The following TMEM178A variants were observed in gnomAD, a reference collection of about 807,000 sequenced individuals.
TMEM178A encodes transmembrane protein 178.
In TMEM178A, 12 loss-of-function variants were observed where a neutral mutation model predicts 29.1. That is an observed-to-expected ratio of 0.41 (90% CI 0.26 to 0.67). The LOEUF (loss-of-function observed/expected upper bound fraction) is 0.67. Ranked by LOEUF, TMEM178A falls within the 30% of genes least tolerant of loss-of-function variation. The pLI, the probability that TMEM178A is intolerant of heterozygous loss-of-function variation, is 0.29. For missense variants in TMEM178A, 366 were observed against 419.1 expected (o/e 0.87, Z 1.11); for synonymous variants, 210 against 187.2 (o/e 1.12, Z -0.99).
At chr2:39,699,742 T>A (rs1671701119) in intron 1 of TMEM178A, among the ~76,000 whole-genome samples, 1 of 152,164 alleles carries the variant, frequency 6.6e-6, no homozygotes, top group African/African-American at 2.4e-5. Flanking sequence ...AGGCATGAGC[T>A]ACTGTGCCAG....
At chr2:39,688,461 T>A (rs1173194458) in intron 1 of TMEM178A, among the ~76,000 whole-genome samples, 2 of 152,204 alleles carry the variant, frequency 1.3e-5, no homozygotes, top group Non-Finnish European at 2.9e-5. Flanking sequence ...GGCTTTGGGA[T>A]TTGGCTTCTT....
At chr2:39,682,611 A>G (rs1016668086) in intron 1 of TMEM178A, among the ~76,000 whole-genome samples, 2 of 152,132 alleles carry the variant, frequency 1.3e-5, no homozygotes, top group African/African-American at 4.8e-5. Flanking sequence ...TACTCCTGCT[A>G]GTGAAGACTT....
Position 39,666,242 on chromosome 2 carries a change from T to G in TMEM178A, c.268T>G (p.Trp90Gly). ...CCCGGGGCGCGCCGACCCCGAGTCC[T>G]GGCGCTCGCTCCTGGGGCTCGGCGG... is the stretch of plus-strand genomic sequence containing the variant. ...GGPGRADPES[W>G]RSLLGLGGLD... The change falls in exon 1 of 4, where the codon TGG (tryptophan) becomes GGG (glycine). Residue 90 changes from tryptophan to glycine, a missense_variant. By Grantham distance (184) the Trp-to-Gly change is radical. Transcript: ENST00000281961. The G allele has an allele frequency of 7.4e-7, 1 of 1,354,332 alleles. No individual in the cohort carries two copies. The highest frequency in any genetic ancestry group is 9.4e-7 in the Non-Finnish European group (1 of 1,059,960). 83.9% of individuals were successfully genotyped at this position (1,354,332 alleles called of 1,614,324 possible). A position where few individuals can be genotyped will look rare whatever the true frequency, so the allele number is the denominator to read the frequency against.
intron 1 of TMEM178A, among the ~76,000 whole-genome samples, chr2:39,687,835 A>G (rs2148075031): frequency 6.6e-6 from 1 of 152,370 alleles, no homozygotes; most frequent in African/African-American, 2.4e-5. Flanking sequence ...GCATGATCAG[A>G]TGTAGTCATA....
chr2:39,726,387 A>G, the TMEM178A span, among the ~76,000 whole-genome samples: 1 of 152,210 alleles, frequency 6.6e-6, no homozygotes, highest in Non-Finnish European at 1.5e-5. Context: ...CAAGCTTTGC[A>G]TGTGGCAGGG....
downstream of TMEM178A, among the ~76,000 whole-genome samples, chr2:39,722,012 AAAAAT>A (rs1459517197): frequency 9.6e-5 from 14 of 146,146 alleles, no homozygotes; most frequent in African/African-American, 3.8e-4. Flanking sequence ...AAAAAAAAAA[AAAAAT>A]CAGTGTTGCC....
At chr2:39,717,968 GGT>G (rs373283330), downstream of TMEM178A, 54 of 152,432 alleles carry the variant, frequency 3.5e-4, no homozygotes, top group African/African-American at 1.2e-3. Context: ...TGTTAATCTG[GGT>G]GTGTTTTCCT....
intron 3 of TMEM178A, among the ~76,000 whole-genome samples, chr2:39,710,755 A>G (rs1672266762): frequency 6.6e-6 from 1 of 152,240 alleles, no homozygotes; most frequent in East Asian, 1.9e-4. Flanking sequence ...CACTCAAGTC[A>G]GCATCCTTCC....
chr2:39,690,051 G>A (rs1671247032), intron 1 of TMEM178A, among the ~76,000 whole-genome samples: 2 of 152,150 alleles, frequency 1.3e-5, no homozygotes, highest in African/African-American at 4.8e-5. Context: ...CAAGATGCTC[G>A]CTTCTGCCTT....
downstream of TMEM178A, among the ~76,000 whole-genome samples, chr2:39,720,297 A>G (rs72936048): frequency 0.028 from 4,272 of 152,222 alleles, 194 homozygotes; most frequent in African/African-American, 0.096. Context: ...TGCCCCCACA[A>G]GTGAGCTAGA....
chr2:39,680,907 A>G (rs183021416), intron 1 of TMEM178A, among the ~76,000 whole-genome samples: 1 of 152,320 alleles, frequency 6.6e-6, no homozygotes, highest in Admixed American at 6.5e-5. Flanking sequence ...TTTGAATTTA[A>G]TAATTCTGTG....
At chr2:39,684,541 A>G (rs1247171251) in intron 1 of TMEM178A, among the ~76,000 whole-genome samples, 1 of 152,204 alleles carries the variant, frequency 6.6e-6, no homozygotes, top group East Asian at 1.9e-4. Flanking sequence ...AAGTATTTTA[A>G]TGTGTGGATG....
At chr2:39,689,551 G>A (rs1177804989) in intron 1 of TMEM178A, among the ~76,000 whole-genome samples, 1 of 152,204 alleles carries the variant, frequency 6.6e-6, no homozygotes, top group East Asian at 1.9e-4. Context: ...TAGAATGATG[G>A]TTGCTAGGAG....
the TMEM178A span, among the ~76,000 whole-genome samples, chr2:39,731,793 A>G: frequency 1.9e-3 from 290 of 152,282 alleles, 1 homozygote; most frequent in African/African-American, 6.8e-3. Context: ...CATCTTGGCG[A>G]GAAGTCCTTG....
chr2:39,686,869 G>A (rs1255756912), intron 1 of TMEM178A, among the ~76,000 whole-genome samples: 8 of 152,136 alleles, frequency 5.3e-5, no homozygotes, highest in Middle Eastern at 6.8e-3. Context: ...GGTTGGCTAC[G>A]TCATCATGCT....
intron 3 of TMEM178A, among the ~76,000 whole-genome samples, chr2:39,716,451 G>T (rs1025815950): frequency 2.6e-5 from 4 of 152,072 alleles, no homozygotes; most frequent in Admixed American, 6.5e-5. Context: ...ACATCATATG[G>T]TATATGTAAG....
Position 39,711,818 on chromosome 2 carries a change from G to T in TMEM178A, c.652+4632G>T, listed in dbSNP as rs148979049. 3.0e-3 allele frequency among the ~76,000 whole-genome samples: 457 copies of T among 152,218 alleles called. 2 individuals are homozygous for T. The highest frequency in any genetic ancestry group is 0.011 in the African/African-American group (444 of 41,544). On this transcript the variant is annotated intron_variant, in intron 3 of 3. Coordinates refer to ENST00000281961, the MANE Select transcript of TMEM178A (RefSeq NM_152390.3). ...TTTTATTTTAGAAGAGTAACACGGT[G>T]CATATATCCTGTGTTATTTAACACC...
At position 39,713,595 on chromosome 2, in the gene TMEM178A, T is replaced by TG. The variant is rs1672404369; in HGVS notation, c.653-3414dup. Among the ~76,000 whole-genome samples the TG allele has an allele frequency of 2.0e-5, 3 of 152,304 alleles. No homozygotes were observed. The South Asian group carries it at 6.2e-4, about 32-fold the overall frequency. The stretch of plus-strand genomic sequence containing the variant: ...GAAGACACAGGGAGAAGATGGCCAT[T>TG]GACAAGCCAAGGAGAGAGTCCTCAG... On this transcript the variant is annotated intron_variant, in intron 3 of 3. Transcript: ENST00000281961.
chr2:39,733,493 C>T, the TMEM178A span, among the ~76,000 whole-genome samples: 1 of 152,176 alleles, frequency 6.6e-6, no homozygotes, highest in Non-Finnish European at 1.5e-5. Context: ...GCAGGTTCTG[C>T]CTTGGCCAGG....
Sources: allele counts gnomAD v4.1 joint callset (sites outside exome capture counted in the v4.1 genomes callset), GRCh38; gene constraint gnomAD v4.1.1; transcripts MANE v1.5; gene names NCBI Gene and HGNC (gene_info 2026-07-23, HGNC 2026-07-21).